The following KLHL2 variants were observed in gnomAD, a reference collection of about 807,000 sequenced individuals.
The protein encoded by KLHL2 is kelch-like protein 2.
In KLHL2, 15 loss-of-function variants were observed where a neutral mutation model predicts 75.8. The ratio of observed to expected loss-of-function variants is 0.20; its 90% CI spans 0.13 to 0.30. The LOEUF (loss-of-function observed/expected upper bound fraction) is 0.30. KLHL2 is among the 10% of genes least tolerant of loss of function. KLHL2 has a pLI of 1.00. For missense variants in KLHL2, 381 were observed against 741.0 expected (o/e 0.51, Z 5.64); for synonymous variants, 214 against 251.9 (o/e 0.85, Z 1.42).
intron 4 of KLHL2, among the ~76,000 whole-genome samples, chr4:165,260,115 G>A (rs376549724): frequency 3.9e-5 from 6 of 152,196 alleles, no homozygotes; most frequent in East Asian, 3.9e-4. Context: ...GTCACCAGGC[G>A]TCATGTTAGC....
Position 165,207,903 on chromosome 4 carries a change from G to C in KLHL2, c.26+1G>C, listed in dbSNP as rs1265707195. 7.0e-7 allele frequency: 1 copy of C among 1,432,770 alleles called. No individual in the cohort carries two copies. Among genetic ancestry groups the C allele is most frequent in the Non-Finnish European group, 9.2e-7 (1 of 1,085,404 alleles). 88.8% of individuals were successfully genotyped at this position (1,432,770 alleles called of 1,614,324 possible). A position where few individuals can be genotyped will look rare whatever the true frequency, so the allele number is the denominator to read the frequency against. On this transcript the variant is annotated splice_donor_variant, in intron 1 of 14. Transcript: ENST00000226725. LOFTEE classifies it high-confidence loss of function. This position sits in a 1 kb window ranked among gnomAD's most constrained non-coding sequence, Gnocchi z 4.2. ...TGGAGACGCCGCCGCTGCCTCCCGC[G>C]TGAGTGAGCGGGCGGGCGGGCTGCG...
intron 5 of KLHL2, chr4:165,278,993 T>A: frequency 6.7e-7 from 1 of 1,498,664 alleles, no homozygotes; most frequent in Non-Finnish European, 9.3e-7. Flanking sequence ...TTCACAGAGT[T>A]GTTTATCCCA....
At chr4:165,264,726 ATATATATATATATG>A (rs1461063684) in intron 5 of KLHL2, among the ~76,000 whole-genome samples, 1,699 of 73,048 alleles carry the variant, frequency 0.023, 22 homozygotes, top group Non-Finnish European at 0.029. Context: ...ATATACATAT[ATATATATATATATG>A]TATATATATA....
At chr4:165,220,480 G>T (rs1737900169) in intron 2 of KLHL2, among the ~76,000 whole-genome samples, 1 of 152,058 alleles carries the variant, frequency 6.6e-6, no homozygotes, top group Non-Finnish European at 1.5e-5. Context: ...AGCACTTTGA[G>T]AGGCCAGGGC....
intron 8 of KLHL2, among the ~76,000 whole-genome samples, chr4:165,302,962 T>C (rs1745448478): frequency 6.6e-6 from 1 of 152,248 alleles, no homozygotes; most frequent in Admixed American, 6.5e-5. Context: ...GTTTCTCAAA[T>C]ACCTGTGTCT....
At chr4:165,260,247 C>T (rs1479865171) in intron 4 of KLHL2, among the ~76,000 whole-genome samples, 4 of 152,122 alleles carry the variant, frequency 2.6e-5, no homozygotes, top group African/African-American at 9.7e-5. Flanking sequence ...AAAAGATTTA[C>T]TGACAAAAGA....
intron 10 of KLHL2, among the ~76,000 whole-genome samples, chr4:165,310,955 T>G (rs556883804): frequency 2.7e-5 from 4 of 150,898 alleles, no homozygotes; most frequent in Non-Finnish European, 5.9e-5. Flanking sequence ...GCCGGGTTCA[T>G]GCCATTCTCC....
At chr4:165,220,777 T>TG (rs71602581) in intron 2 of KLHL2, among the ~76,000 whole-genome samples, 2 of 152,300 alleles carry the variant, frequency 1.3e-5, no homozygotes, top group South Asian at 4.1e-4. Flanking sequence ...GTGGTAGTTT[T>TG]GGGGGGCAGT....
intron 3 of KLHL2, among the ~76,000 whole-genome samples, chr4:165,237,279 T>C (rs1031188149): frequency 2.6e-5 from 4 of 151,516 alleles, no homozygotes; most frequent in Admixed American, 6.6e-5. Context: ...CCTTCCTTTT[T>C]CCTCCTTTCT....
At chr4:165,244,594 T>C (rs1291647411) in intron 4 of KLHL2, among the ~76,000 whole-genome samples, 2 of 152,180 alleles carry the variant, frequency 1.3e-5, no homozygotes, top group Admixed American at 6.5e-5. Flanking sequence ...CAGTCATTGA[T>C]GGAATATCTG....
chr4:165,288,089 G>A (rs1004959894), intron 5 of KLHL2, among the ~76,000 whole-genome samples: 8 of 152,164 alleles, frequency 5.3e-5, no homozygotes, highest in Admixed American at 1.3e-4. Flanking sequence ...CCAGTGTCAC[G>A]AAACTTTCCC....
At chr4:165,234,796 C>T (rs977492950) in intron 3 of KLHL2, among the ~76,000 whole-genome samples, 2 of 151,446 alleles carry the variant, frequency 1.3e-5, no homozygotes, top group African/African-American at 2.4e-5. Context: ...TATATGTGTT[C>T]TTACACTTTC....
In KLHL2 at chr4:165,299,623, G is replaced by A. The variant is rs756346925; in HGVS notation, c.888G>A (p.Arg296=). 1 of 1,612,958 alleles carries A rather than the reference G, an allele frequency of 6.2e-7. No individual in the cohort carries two copies. The highest frequency in any genetic ancestry group is 1.1e-5 in the South Asian group (1 of 90,932). ...TEQRILMKSV[R]TRLRTPMNLP... ...AGCGTATATTAATGAAGAGTGTCCGGACCCGGCTGAGGACACCCATGAACC... is the reference window on the plus strand; with the variant it reads ...AGCGTATATTAATGAAGAGTGTCCGAACCCGGCTGAGGACACCCATGAACC... Residue 296 remains arginine, a synonymous_variant, in exon 8 of 15, where the codon CGG becomes CGA. Coordinates refer to ENST00000226725, the MANE Select transcript of KLHL2 (RefSeq NM_007246.4).
At chr4:165,283,878 A>T (rs1355864621) in intron 5 of KLHL2, among the ~76,000 whole-genome samples, 1 of 152,090 alleles carries the variant, frequency 6.6e-6, no homozygotes, top group Non-Finnish European at 1.5e-5. Context: ...AGGTTACCAA[A>T]CCTCAATTCT....
At chr4:165,276,406 T>C (rs28641126) in intron 5 of KLHL2, among the ~76,000 whole-genome samples, 6,356 of 152,196 alleles carry the variant, frequency 0.042, 289 homozygotes, top group African/African-American at 0.11. Flanking sequence ...CAAACCTGTA[T>C]GTCGTGAGCA....
At chr4:165,214,691 C>G (rs1737416374) in intron 1 of KLHL2, among the ~76,000 whole-genome samples, 1 of 152,208 alleles carries the variant, frequency 6.6e-6, no homozygotes, top group South Asian at 2.1e-4. Context: ...TAATACCTCC[C>G]TCTGCCCTTC....
chr4:165,209,575 A>T (rs567928634), intron 1 of KLHL2: 1 of 152,602 alleles, frequency 6.6e-6, no homozygotes, highest in East Asian at 1.9e-4. Flanking sequence ...TGAAACATTG[A>T]TAAACTGACT....
chr4:165,293,838 T>C (rs529575374), intron 5 of KLHL2, among the ~76,000 whole-genome samples: 1 of 152,160 alleles, frequency 6.6e-6, no homozygotes, highest in South Asian at 2.1e-4. Flanking sequence ...TTTAAAAAAA[T>C]GTTGGTCATA....
intron 5 of KLHL2, among the ~76,000 whole-genome samples, chr4:165,274,995 G>A (rs112542711): frequency 0.065 from 9,886 of 152,284 alleles, 442 homozygotes; most frequent in Middle Eastern, 0.14. Flanking sequence ...TCTCCAAGGC[G>A]TGGAGTGACA....
Sources: gnomAD v4.1 joint callset for allele counts (sites outside exome capture counted in the v4.1 genomes callset) on GRCh38, gnomAD v4.1.1 for gene constraint, Gnocchi (gnomAD v3.1) non-coding constraint, MANE v1.5 for transcripts, NCBI Gene and HGNC (gene_info 2026-07-23, HGNC 2026-07-21) for gene names.